SCIN: variants seen among roughly 807,000 people sequenced by gnomAD.
SCIN encodes adseverin.
A neutral mutation model predicts 91.8 loss-of-function variants in SCIN; 91 were observed. The observed-to-expected ratio is 0.99, with a 90% confidence interval of 0.84 to 1.18. The LOEUF (loss-of-function observed/expected upper bound fraction) is 1.18. Ranked by LOEUF, SCIN falls within the 50% of genes most tolerant of loss-of-function variation. SCIN has a pLI of 0.00. For missense variants in SCIN, 1,087 were observed against 863.9 expected (o/e 1.26, Z -3.24); for synonymous variants, 367 against 312.6 (o/e 1.17, Z -1.84).
At position 12,629,171 on chromosome 7, in the gene SCIN, A is replaced by G; in HGVS notation, c.1268A>G (p.Asp423Gly). Residue 423 changes from aspartate to glycine, a missense_variant, in exon 9 of 16, where the codon GAC becomes GGC. Asp to Gly is a moderately conservative substitution (Grantham distance 94). Transcript: ENST00000297029. ...QNSYGEFYGG[D>G]CYIILYTYPR... ...TCATATGGTGAATTCTATGGTGGTG[A>G]CTGCTACATCATACTCTACACCTAT... 1 of 1,613,182 alleles carries G rather than the reference A, an allele frequency of 6.2e-7. No homozygotes were observed. Among genetic ancestry groups the G allele is most frequent in the Non-Finnish European group, 8.5e-7 (1 of 1,179,278 alleles).
At chr7:12,637,882 G>A (rs541976207) in intron 10 of SCIN, among the ~76,000 whole-genome samples, 1 of 152,090 alleles carries the variant, frequency 6.6e-6, no homozygotes, top group South Asian at 2.1e-4. Context: ...TAGAGAAAAA[G>A]GGACAGGAAG....
At chr7:12,644,106 G>T in intron 11 of SCIN, 32 bp from the exon 12 acceptor site, 1 of 1,573,706 alleles carries the variant, frequency 6.4e-7, no homozygotes, top group South Asian at 1.1e-5. Context: ...CAATGAATTT[G>T]AATCATTGTT....
At chr7:12,613,261 C>A (rs1423053609) in intron 4 of SCIN, among the ~76,000 whole-genome samples, 3 of 151,988 alleles carry the variant, frequency 2.0e-5, no homozygotes, top group African/African-American at 7.2e-5. Context: ...TCATCTTATC[C>A]TTTGTGCTAA....
At chr7:12,649,983 T>TATTTGAATAGTTTGA in intron 14 of SCIN, among the ~76,000 whole-genome samples, 1 of 152,328 alleles carries the variant, frequency 6.6e-6, no homozygotes, top group East Asian at 1.9e-4. Context: ...TAGTTTTGAA[T>TATTTGAATAGTTTGA]CTACACAGTA....
At chr7:12,620,087 CTT>C (rs1380835135) in intron 4 of SCIN, among the ~76,000 whole-genome samples, 1 of 151,586 alleles carries the variant, frequency 6.6e-6, no homozygotes, top group African/African-American at 2.4e-5. Context: ...TATGTACAAA[CTT>C]TGTCATATAC....
intron 9 of SCIN, among the ~76,000 whole-genome samples, chr7:12,630,062 A>G (rs1313608719): frequency 2.0e-5 from 3 of 152,126 alleles, no homozygotes; most frequent in Non-Finnish European, 4.4e-5. Context: ...AGTGATAACA[A>G]CCTATAATAG....
At chr7:12,571,528 G>T (rs1338126427) in intron 1 of SCIN, 1 of 439,138 alleles carries the variant, frequency 2.3e-6, no homozygotes, top group Non-Finnish European at 4.6e-6. Flanking sequence ...TTATTGTTCT[G>T]GGCTTCTTTA....
At chr7:12,613,137 G>A (rs1783231585) in intron 4 of SCIN, among the ~76,000 whole-genome samples, 2 of 151,938 alleles carry the variant, frequency 1.3e-5, no homozygotes, top group Admixed American at 6.6e-5. Flanking sequence ...TATAAATATT[G>A]AACTATAATG....
At position 12,583,179 on chromosome 7, in the gene SCIN, A is replaced by G. The variant is rs114139496; in HGVS notation, c.516+1958A>G. ...AAATATAATAATCTATTCAATTATCATGAATAGCTTCCAATTCAGCTTTCT... is the reference window on the plus strand; with the variant it reads ...AAATATAATAATCTATTCAATTATCGTGAATAGCTTCCAATTCAGCTTTCT... On this transcript the variant is annotated intron_variant, in intron 3 of 15. Coordinates refer to ENST00000297029, the MANE Select transcript of SCIN (RefSeq NM_001112706.3). 3.3e-3 allele frequency among the ~76,000 whole-genome samples: 502 copies of G among 152,214 alleles called. 2 individuals carry two copies. The highest frequency in any genetic ancestry group is 0.011 in the African/African-American group (469 of 41,536).
At chr7:12,572,084 C>A (rs748255910) in intron 1 of SCIN, among the ~76,000 whole-genome samples, 13 of 152,194 alleles carry the variant, frequency 8.5e-5, no homozygotes, top group Non-Finnish European at 1.3e-4. Context: ...TAATTTCCAA[C>A]ATTTGAAGAT....
chr7:12,592,234 G>A (rs1236938840), intron 3 of SCIN, among the ~76,000 whole-genome samples: 3 of 152,028 alleles, frequency 2.0e-5, no homozygotes, highest in Admixed American at 2.0e-4. Flanking sequence ...CGACGAGAGA[G>A]AGAAGTGGAT....
At chr7:12,616,896 T>C (rs755140523) in intron 4 of SCIN, among the ~76,000 whole-genome samples, 3 of 152,144 alleles carry the variant, frequency 2.0e-5, no homozygotes, top group Non-Finnish European at 4.4e-5. Flanking sequence ...CTTCTGCTGA[T>C]TGCATAAAAG....
intron 9 of SCIN, among the ~76,000 whole-genome samples, chr7:12,633,834 G>A (rs1562627678): frequency 6.6e-6 from 1 of 152,194 alleles, no homozygotes; most frequent in Non-Finnish European, 1.5e-5. Flanking sequence ...TGCTTCCAGT[G>A]CACACAGATG....
At position 12,657,518 on chromosome 7, in the gene SCIN, T is replaced by G. The variant is rs1199450179; in HGVS notation, c.*4803T>G. The G allele has an allele frequency of 7.4e-6, 1 of 135,100 alleles. No individual in the cohort carries two copies. The highest frequency in any genetic ancestry group is 1.6e-5 in the Non-Finnish European group (1 of 63,218). The allele number at this position is 135,100 out of a possible 1,614,324, so 8.4% of individuals were successfully genotyped here. On this transcript the variant is annotated 3_prime_UTR_variant, in exon 16 of 16. Transcript: ENST00000297029. The stretch of plus-strand genomic sequence containing the variant: ...GCCACCGCATCTGGACACGAATTTT[T>G]AAGTTTTATATATGTGTGTGTATAT...
rs142477792 is a variant in SCIN at position 12,612,355 on chromosome 7, G to A, written c.666+7692G>A. Among the ~76,000 whole-genome samples the A allele has an allele frequency of 3.9e-5, 6 of 152,202 alleles. No homozygotes were observed. The East Asian group carries it at 1.2e-3, about 29-fold the overall frequency. On this transcript the variant is annotated intron_variant, in intron 4 of 15. Transcript: ENST00000297029. ...CCATTCAAAGATTTTTAAGTTAAAG[G>A]GAGCAAATATATTCGCAACCCTCTC...
chr7:12,611,790 T>G (rs1783197598), intron 4 of SCIN, among the ~76,000 whole-genome samples: 1 of 152,154 alleles, frequency 6.6e-6, no homozygotes, highest in African/African-American at 2.4e-5. Flanking sequence ...TGCACACCTA[T>G]AGTGCCAGCT....
intron 8 of SCIN, among the ~76,000 whole-genome samples, chr7:12,627,222 G>T (rs1192215790): frequency 6.6e-6 from 1 of 152,014 alleles, no homozygotes; most frequent in Non-Finnish European, 1.5e-5. Flanking sequence ...CAGCCTTCCT[G>T]AGAAGATCCA....
Position 12,571,296 on chromosome 7 carries a change from C to G in SCIN, c.199+311C>G. On this transcript the variant is annotated intron_variant, in intron 1 of 15. Transcript: ENST00000297029. ...CCTTTCACCGTCAAGTATCCAAACG[C>G]CACTCTTGTCCAGGGCCGCTGCCTC... The G allele has an allele frequency of 4.8e-6, 2 of 418,988 alleles. 1 individual carries two copies. The highest frequency in any genetic ancestry group is 5.5e-5 in the South Asian group (2 of 36,198). 26.0% of individuals were successfully genotyped at this position (418,988 alleles called of 1,614,324 possible).
rs1784077059 is a variant in SCIN at position 12,651,463 on chromosome 7, A to T, written c.1960-378A>T. The stretch of plus-strand genomic sequence containing the variant: ...ATCTCGAAATATGTCAAAGAAGTGT[A>T]TTCGGAGGTGAAATATTTTGGTTTC... On this transcript the variant is annotated intron_variant, in intron 14 of 15. Coordinates refer to ENST00000297029, the MANE Select transcript of SCIN (RefSeq NM_001112706.3). The surrounding 1 kb of genome is among the most constrained non-coding windows in gnomAD (Gnocchi z 5.9). Among the ~76,000 whole-genome samples, 1 of 152,188 alleles carries T rather than the reference A, an allele frequency of 6.6e-6. No homozygotes were observed. The highest frequency in any genetic ancestry group is 2.4e-5 in the African/African-American group (1 of 41,444).
Sources: allele counts gnomAD v4.1 joint callset (sites outside exome capture counted in the v4.1 genomes callset), GRCh38; gene constraint gnomAD v4.1.1; non-coding constraint Gnocchi (gnomAD v3.1); transcripts MANE v1.5; gene names NCBI Gene and HGNC (gene_info 2026-07-23, HGNC 2026-07-21).